VDAC2: variants seen among roughly 807,000 people sequenced by gnomAD.
The protein encoded by VDAC2 is voltage dependent anion channel 2, also known as non-selective voltage-gated ion channel VDAC2.
Under a neutral mutation model 36.6 loss-of-function variants are expected in VDAC2, and 6 were observed. That is an observed-to-expected ratio of 0.16 (90% CI 0.09 to 0.32). VDAC2 has a LOEUF of 0.32. Among genes scored for constraint, VDAC2 ranks in the 10% least tolerant of loss-of-function variants. The pLI, the probability that VDAC2 is intolerant of heterozygous loss-of-function variation, is 1.00. For synonymous variants in VDAC2, 109 were observed against 123.8 expected (o/e 0.88, Z 0.79); for missense variants, 247 against 346.0 (o/e 0.71, Z 2.27).
intron 4 of VDAC2, among the ~76,000 whole-genome samples, chr10:75,217,163 A>G (rs551329537): frequency 5.3e-5 from 8 of 152,270 alleles, no homozygotes; most frequent in Admixed American, 4.6e-4. Flanking sequence ...AGGCTGAGAT[A>G]GGAGGATCGC....
intron 2 of VDAC2, chr10:75,211,723 G>C: frequency 6.6e-7 from 1 of 1,524,924 alleles, no homozygotes; most frequent in Non-Finnish European, 8.9e-7. Context: ...ACACATGGCA[G>C]TATTTTTTCC....
At chr10:75,211,604 C>T in intron 2 of VDAC2, 3 of 1,550,528 alleles carry the variant, frequency 1.9e-6, no homozygotes, top group Non-Finnish European at 2.6e-6. Context: ...GTAATGAGCT[C>T]AGATTGCCTG....
chr10:75,222,908 TC>T lies in VDAC2; in HGVS notation c.735+509del, dbSNP rs1169553019. On this transcript the variant is annotated intron_variant, in intron 8 of 9. Transcript: ENST00000332211. ...CTCAAGCTATCATCCTGTCTCAGCC[TC>T]CCAAAGGAGGCTGTTGGGATTATAG... is the stretch of plus-strand genomic sequence containing the variant. 2.0e-5 allele frequency among the ~76,000 whole-genome samples: 3 copies of T among 151,796 alleles called. No homozygotes were observed. In the East Asian group the frequency reaches 5.8e-4, roughly 29 times the overall value.
At chr10:75,227,898 C>CT (rs1172542801) in intron 8 of VDAC2, among the ~76,000 whole-genome samples, 1,847 of 133,504 alleles carry the variant, frequency 0.014, 9 homozygotes, top group Non-Finnish European at 0.016. Context: ...TTCTTTCTTT[C>CT]TTTTTTTTTT....
intron 8 of VDAC2, among the ~76,000 whole-genome samples, chr10:75,227,577 ATTTTTTTT>A (rs35378957): frequency 3.0e-5 from 3 of 99,928 alleles, no homozygotes; most frequent in African/African-American, 1.4e-4. Flanking sequence ...AATAATAGGA[ATTTTTTTT>A]TTTTTTTTTT....
intron 8 of VDAC2, among the ~76,000 whole-genome samples, chr10:75,225,423 G>A (rs1168560236): frequency 1.3e-5 from 2 of 152,150 alleles, no homozygotes; most frequent in Non-Finnish European, 2.9e-5. Flanking sequence ...GGTTTTTAAA[G>A]GCCAAAAATT....
chr10:75,226,436 G>A (rs1456907825), intron 8 of VDAC2, among the ~76,000 whole-genome samples: 1 of 143,780 alleles, frequency 7.0e-6, no homozygotes, highest in Non-Finnish European at 1.5e-5. Flanking sequence ...AAAAGTGAAA[G>A]ACAGTCTTTT....
intron 2 of VDAC2, chr10:75,211,440 A>G (rs1841417354): frequency 2.7e-6 from 4 of 1,483,922 alleles, no homozygotes; most frequent in South Asian, 1.4e-5. Context: ...TCTTTGACGT[A>G]TAGAAGTAAA....
chr10:75,212,784 A>G (rs1841467424), intron 3 of VDAC2, among the ~76,000 whole-genome samples: 1 of 152,132 alleles, frequency 6.6e-6, no homozygotes, highest in South Asian at 2.1e-4. Context: ...CCCCTCCCCC[A>G]ATTTCCCAAA....
At chr10:75,226,856 G>C (rs1195642746) in intron 8 of VDAC2, among the ~76,000 whole-genome samples, 1 of 152,178 alleles carries the variant, frequency 6.6e-6, no homozygotes, top group African/African-American at 2.4e-5. Context: ...CACATGGTAG[G>C]GGGTGCTGGT....
At chr10:75,229,604 G>A in intron 8 of VDAC2, 40 bp from the exon 9 acceptor site, 1 of 1,511,760 alleles carries the variant, frequency 6.6e-7, no homozygotes, top group Non-Finnish European at 9.1e-7. Flanking sequence ...TGTCTCTATT[G>A]AAATATTTTT....
At chr10:75,219,632 G>A (rs147894959) in intron 6 of VDAC2, among the ~76,000 whole-genome samples, 3,234 of 151,814 alleles carry the variant, frequency 0.021, 132 homozygotes, top group African/African-American at 0.073. Flanking sequence ...CTACAGGTGC[G>A]TGCCACCACG....
intron 7 of VDAC2, 130 bp downstream of exon 7, chr10:75,221,100 C>G (rs1250517656): frequency 9.0e-6 from 9 of 999,672 alleles, no homozygotes; most frequent in African/African-American, 1.6e-5. Flanking sequence ...CATTCTTGGT[C>G]ATTTCTAGGG....
At chr10:75,211,064 C>A in intron 1 of VDAC2, 70 bp from the exon 2 acceptor site, 1 of 1,421,982 alleles carries the variant, frequency 7.0e-7, no homozygotes, top group Non-Finnish European at 9.5e-7. Context: ...CGGCCCCTCG[C>A]CCCTCTCTGC....
chr10:75,211,406 T>C, intron 2 of VDAC2: 1 of 1,448,052 alleles, frequency 6.9e-7, no homozygotes, highest in Non-Finnish European at 9.1e-7. Flanking sequence ...TGTGGCCGCA[T>C]GGACTTTTCA....
In VDAC2 at chr10:75,218,188, A is replaced by G. The variant is rs1386138435; in HGVS notation, c.151-875A>G. The G allele has an allele frequency of 1.8e-5, 6 of 336,248 alleles. No homozygotes were observed. In the East Asian group the frequency reaches 4.8e-4, roughly 27 times the overall value. 20.8% of individuals were successfully genotyped at this position (336,248 alleles called of 1,614,324 possible). A position where few individuals can be genotyped will look rare whatever the true frequency, so the allele number is the denominator to read the frequency against. On this transcript the variant is annotated intron_variant, in intron 4 of 9. Transcript: ENST00000332211. ...CATTATTATTTTTAGACAGGGTCTC[A>G]CTGTGTCACCCATGCTGAGTGCAGT...
Position 75,211,014 on chromosome 10 carries a change from G to C in VDAC2, c.-26+76G>C, listed in dbSNP as rs1440802264. Reference sequence around the variant, plus strand: ...CAAGCCGGAGGCCCGCGCCGGACTCGGAGTCGGCCCTGGCTTCCTAAGATG... The same window carrying C: ...CAAGCCGGAGGCCCGCGCCGGACTCCGAGTCGGCCCTGGCTTCCTAAGATG... On this transcript the variant is annotated intron_variant, in intron 1 of 9. Coordinates refer to ENST00000332211, the MANE Select transcript of VDAC2 (RefSeq NM_001391963.1). 3.2e-6 allele frequency: 3 copies of C among 934,794 alleles called. No individual in the cohort carries two copies. The African/African-American group carries it at 5.3e-5, about 16-fold the overall frequency. 57.9% of individuals were successfully genotyped at this position (934,794 alleles called of 1,614,324 possible).
chr10:75,223,981 TG>T (rs1187633116), intron 8 of VDAC2, among the ~76,000 whole-genome samples: 1 of 152,234 alleles, frequency 6.6e-6, no homozygotes, highest in Non-Finnish European at 1.5e-5. Context: ...CTGTATCCTT[TG>T]TAATATCCTT....
intron 3 of VDAC2, 75 bp from the exon 4 acceptor site, chr10:75,213,946 T>C (rs1841516368): frequency 1.4e-6 from 2 of 1,436,370 alleles, no homozygotes; most frequent in Admixed American, 1.8e-5. Context: ...TTGTTTTTTA[T>C]GTATAGTCAA....
Sources: allele counts gnomAD v4.1 joint callset (sites outside exome capture counted in the v4.1 genomes callset), GRCh38; gene constraint gnomAD v4.1.1; transcripts MANE v1.5; gene names NCBI Gene and HGNC (gene_info 2026-07-23, HGNC 2026-07-21).